The following TAX1BP1 variants were observed in gnomAD, a reference collection of about 807,000 sequenced individuals.
TAX1BP1 encodes Tax1 binding protein 1, also known as tax1-binding protein 1.
A neutral mutation model predicts 97.7 loss-of-function variants in TAX1BP1; 62 were observed. That is an observed-to-expected ratio of 0.63 (90% CI 0.52 to 0.78). The LOEUF (loss-of-function observed/expected upper bound fraction) is 0.78. Ranked by LOEUF, TAX1BP1 falls within the 30% of genes least tolerant of loss-of-function variation. The pLI, the probability that TAX1BP1 is intolerant of heterozygous loss-of-function variation, is 0.00. For synonymous variants in TAX1BP1, 340 were observed against 304.2 expected (o/e 1.12, Z -1.23); for missense variants, 867 against 916.1 (o/e 0.95, Z 0.69).
chr7:27,795,362 A>G (rs1043604129), intron 11 of TAX1BP1, among the ~76,000 whole-genome samples: 1 of 151,504 alleles, frequency 6.6e-6, no homozygotes, highest in African/African-American at 2.4e-5. Context: ...ACTCCTAGCT[A>G]CTCTGGAAGC....
At chr7:27,775,805 A>G (rs969278456) in intron 5 of TAX1BP1, among the ~76,000 whole-genome samples, 5 of 152,152 alleles carry the variant, frequency 3.3e-5, no homozygotes, top group Non-Finnish European at 7.4e-5. Flanking sequence ...GGGTCAGAAT[A>G]AAAACCAACA....
intron 2 of TAX1BP1, among the ~76,000 whole-genome samples, chr7:27,749,404 C>T (rs777921733): frequency 6.6e-6 from 1 of 152,168 alleles, no homozygotes; most frequent in Non-Finnish European, 1.5e-5. Context: ...ATTCACTTTT[C>T]TCCTGTGTTA....
At chr7:27,781,152 G>A (rs1450370093) in intron 5 of TAX1BP1, among the ~76,000 whole-genome samples, 1 of 152,138 alleles carries the variant, frequency 6.6e-6, no homozygotes, top group African/African-American at 2.4e-5. Context: ...CACAAAAATA[G>A]TGCTTGGATC....
rs1202745262 is a variant in TAX1BP1, at chr7:27,748,508, C to T, written c.-7-10C>T. 5.1e-6 allele frequency: 8 copies of T among 1,563,568 alleles called. No homozygotes were observed. The highest frequency in any genetic ancestry group is 1.8e-5 in the Admixed American group (1 of 56,874). ...GGTATAATTTAACTTGTATGAATTA[C>T]TTGTTTCAGATTCACAATGACATCC... On this transcript the variant is annotated splice_polypyrimidine_tract_variant and intron_variant, in intron 1 of 16. Transcript: ENST00000396319.
At chr7:27,787,716 T>C in intron 8 of TAX1BP1, 113 bp downstream of exon 8, 1 of 986,672 alleles carries the variant, frequency 1.0e-6, no homozygotes, top group Non-Finnish European at 1.4e-6. Flanking sequence ...AAGTTCAAAC[T>C]TACAAAACAG....
chr7:27,779,216 C>T (rs1789151424), intron 5 of TAX1BP1, among the ~76,000 whole-genome samples: 2 of 152,124 alleles, frequency 1.3e-5, no homozygotes, highest in Non-Finnish European at 1.5e-5. Flanking sequence ...CCTCAGACTC[C>T]TGGACTCCAG....
chr7:27,741,588 C>T (rs1787606186), intron 1 of TAX1BP1, among the ~76,000 whole-genome samples: 1 of 151,866 alleles, frequency 6.6e-6, no homozygotes, highest in South Asian at 2.1e-4. Context: ...GCAACCTCCG[C>T]CTCCCAGGTT....
At chr7:27,795,372 C>T (rs1393026909) in intron 11 of TAX1BP1, among the ~76,000 whole-genome samples, 2 of 151,984 alleles carry the variant, frequency 1.3e-5, no homozygotes, top group African/African-American at 4.8e-5. Flanking sequence ...ACTCTGGAAG[C>T]TGTGGCAAGA....
At chr7:27,742,129 A>T (rs1265272558) in intron 1 of TAX1BP1, among the ~76,000 whole-genome samples, 1 of 152,186 alleles carries the variant, frequency 6.6e-6, no homozygotes, top group Non-Finnish European at 1.5e-5. Flanking sequence ...CAGGAGACAG[A>T]TGCCTTCCTC....
intron 15 of TAX1BP1, among the ~76,000 whole-genome samples, chr7:27,819,643 A>G (rs1469883812): frequency 6.6e-6 from 1 of 152,188 alleles, no homozygotes; most frequent in African/African-American, 2.4e-5. Context: ...CATAAGTTAA[A>G]TATGTGTTTT....
chr7:27,816,868 C>T (rs766031307), intron 14 of TAX1BP1, 22 bp from the exon 15 acceptor site: 2 of 1,613,088 alleles, frequency 1.2e-6, no homozygotes, highest in East Asian at 4.5e-5. Context: ...TTCACTCTAC[C>T]TTTCCAAAAA....
chr7:27,803,298 CAG>C lies in TAX1BP1; in HGVS notation c.1764+3209_1764+3210del, dbSNP rs1790209370. 3.9e-5 allele frequency: 40 copies of C among 1,018,006 alleles called. No individual in the cohort carries two copies. In the South Asian group the frequency reaches 1.2e-3, roughly 30 times the overall value. 63.1% of individuals were successfully genotyped at this position (1,018,006 alleles called of 1,614,324 possible). ...AGTACAATGTTCAAATTTAGGAAAA[CAG>C]TGAAATTTCTAAAAATTACGTGAAA... is the stretch of plus-strand genomic sequence containing the variant. On this transcript the variant is annotated intron_variant, in intron 13 of 16. Coordinates refer to ENST00000396319, the MANE Select transcript of TAX1BP1 (RefSeq NM_006024.7).
chr7:27,808,374 C>G (rs142060131), intron 13 of TAX1BP1, among the ~76,000 whole-genome samples: 92 of 152,236 alleles, frequency 6.0e-4, no homozygotes, highest in Middle Eastern at 6.8e-3. Flanking sequence ...TCTGAGTTTC[C>G]TTGATATATT....
intron 8 of TAX1BP1, among the ~76,000 whole-genome samples, chr7:27,790,127 G>A (rs187248016): frequency 9.9e-5 from 15 of 151,920 alleles, no homozygotes; most frequent in African/African-American, 3.1e-4. Context: ...ATGAATATAC[G>A]TATATTTATA....
chr7:27,748,820 AACAG>A, intron 2 of TAX1BP1, 134 bp downstream of exon 2: 1 of 576,766 alleles, frequency 1.7e-6, no homozygotes, highest in Non-Finnish European at 2.6e-6. Context: ...TGAAATATTT[AACAG>A]TGGGGAGTAG....
chr7:27,758,920 A>G (rs573349346), intron 3 of TAX1BP1, among the ~76,000 whole-genome samples: 1 of 152,272 alleles, frequency 6.6e-6, no homozygotes, highest in South Asian at 2.1e-4. Flanking sequence ...AATGTGCTTA[A>G]CATTGAACTA....
At chr7:27,816,823 A>C in intron 14 of TAX1BP1, 67 bp from the exon 15 acceptor site, 1 of 1,558,968 alleles carries the variant, frequency 6.4e-7, no homozygotes, top group Non-Finnish European at 8.7e-7. Context: ...TGTTCATCAT[A>C]TCTGTATATA....
intron 1 of TAX1BP1, among the ~76,000 whole-genome samples, chr7:27,744,669 G>A (rs1744189252): frequency 1.3e-5 from 2 of 152,110 alleles, no homozygotes. Context: ...AGTAAAACAA[G>A]TATTGGGAAC....
intron 5 of TAX1BP1, among the ~76,000 whole-genome samples, chr7:27,776,619 T>G (rs1222117675): frequency 6.6e-6 from 1 of 152,072 alleles, no homozygotes; most frequent in Admixed American, 6.5e-5. Flanking sequence ...GTCCTCTTTA[T>G]TTTCTTTATT....
Sources: allele counts gnomAD v4.1 joint callset (sites outside exome capture counted in the v4.1 genomes callset), GRCh38; gene constraint gnomAD v4.1.1; transcripts MANE v1.5; gene names NCBI Gene and HGNC (gene_info 2026-07-23, HGNC 2026-07-21).